The following TMEM232 variants were observed in gnomAD, a reference collection of about 807,000 sequenced individuals.
The protein encoded by TMEM232 is transmembrane protein 232.
Under a neutral mutation model 78.8 loss-of-function variants are expected in TMEM232, and 80 were observed. That is an observed-to-expected ratio of 1.01 (90% CI 0.85 to 1.22). The LOEUF (loss-of-function observed/expected upper bound fraction) is 1.22. Among genes scored for constraint, TMEM232 ranks in the 50% most tolerant of loss-of-function variants. TMEM232 has a pLI of 0.00. For synonymous variants in TMEM232, 297 were observed against 254.3 expected (o/e 1.17, Z -1.60); for missense variants, 881 against 742.2 (o/e 1.19, Z -2.17).
chr5:110,643,707 T>A (rs1243763778), intron 2 of TMEM232, among the ~76,000 whole-genome samples: 1 of 152,014 alleles, frequency 6.6e-6, no homozygotes, highest in Non-Finnish European at 1.5e-5. Context: ...CTGAATTTGT[T>A]GCTCTGTGAG....
chr5:110,456,727 A>T lies in TMEM232; in HGVS notation c.1704-31811T>A, dbSNP rs186232135. On this transcript the variant is annotated intron_variant, in intron 12 of 13. Transcript: ENST00000455884. ...TTGAGAAACATACCTGCACATACAC[A>T]GTCAACTGCATTTTGACAAGGTTCA... Among the ~76,000 whole-genome samples the T allele has an allele frequency of 5.9e-5, 9 of 152,290 alleles. No homozygotes were observed. The East Asian group carries it at 1.7e-3, about 29-fold the overall frequency.
intron 2 of TMEM232, among the ~76,000 whole-genome samples, chr5:110,401,988 T>C (rs1755618619): frequency 6.6e-6 from 1 of 152,070 alleles, no homozygotes; most frequent in South Asian, 2.1e-4. Flanking sequence ...TACCTGTCAT[T>C]GCACTGGCAC....
At chr5:110,456,204 G>A (rs2149345274) in intron 12 of TMEM232, among the ~76,000 whole-genome samples, 1 of 152,256 alleles carries the variant, frequency 6.6e-6, no homozygotes, top group Admixed American at 6.5e-5. Flanking sequence ...TAGAACTAGT[G>A]AGTTTAGCAA....
chr5:110,630,467 C>T (rs1425997247), intron 5 of TMEM232, among the ~76,000 whole-genome samples: 2 of 152,142 alleles, frequency 1.3e-5, no homozygotes, highest in Non-Finnish European at 2.9e-5. Context: ...GGGGGAGGGG[C>T]CCAGTGAGAG....
At chr5:110,461,747 A>T (rs1054261810) in intron 12 of TMEM232, among the ~76,000 whole-genome samples, 3 of 152,184 alleles carry the variant, frequency 2.0e-5, no homozygotes, top group African/African-American at 7.2e-5. Flanking sequence ...CCATTCCAAA[A>T]GTTCTAGGGC....
chr5:110,404,975 T>C (rs557578394), intron 2 of TMEM232, among the ~76,000 whole-genome samples: 3 of 152,216 alleles, frequency 2.0e-5, no homozygotes, highest in Admixed American at 1.3e-4. Flanking sequence ...TTTCAGCCAA[T>C]AAGTTTCTCT....
intron 12 of TMEM232, among the ~76,000 whole-genome samples, chr5:110,478,719 T>C (rs1763528964): frequency 6.6e-6 from 1 of 151,822 alleles, no homozygotes; most frequent in Admixed American, 6.6e-5. Flanking sequence ...AAGATGTTAA[T>C]ATCATAAGGC....
intron 11 of TMEM232, among the ~76,000 whole-genome samples, chr5:110,560,425 T>A (rs1007421352): frequency 1.6e-4 from 24 of 152,150 alleles, no homozygotes; most frequent in African/African-American, 5.5e-4. Flanking sequence ...ATATCCTACA[T>A]GTCTATCAAC....
chr5:110,390,060 G>A (rs533158527), intron 4 of TMEM232, among the ~76,000 whole-genome samples: 1 of 152,124 alleles, frequency 6.6e-6, no homozygotes, highest in African/African-American at 2.4e-5. Flanking sequence ...CTGACTTTGG[G>A]GTATACCAGG....
chr5:110,628,662 A>AGTGTGTGTGTGTGT (rs146531604), intron 5 of TMEM232, among the ~76,000 whole-genome samples: 3 of 140,818 alleles, frequency 2.1e-5, no homozygotes, highest in East Asian at 2.0e-4. Context: ...GTCAGTATCC[A>AGTGTGTGTGTGTGT]GTGTGTGTGT....
At chr5:110,692,647 G>A (rs1183466030) in intron 1 of TMEM232, among the ~76,000 whole-genome samples, 1 of 152,224 alleles carries the variant, frequency 6.6e-6, no homozygotes, top group African/African-American at 2.4e-5. Flanking sequence ...CACACCAGGA[G>A]ATTATATCTC....
At chr5:110,620,649 C>G (rs1471522439) in intron 7 of TMEM232, among the ~76,000 whole-genome samples, 1 of 134,252 alleles carries the variant, frequency 7.4e-6, no homozygotes, top group Non-Finnish European at 1.6e-5. Flanking sequence ...CCTCTCTCCT[C>G]TCTCTCTCTC....
At chr5:110,500,306 A>AAG in intron 12 of TMEM232, among the ~76,000 whole-genome samples, 1 of 145,086 alleles carries the variant, frequency 6.9e-6, no homozygotes. Context: ...AAAAAAAAAA[A>AAG]AGAAAGAAAG....
chr5:110,603,270 C>T (rs1424169281), intron 10 of TMEM232, among the ~76,000 whole-genome samples: 1 of 152,110 alleles, frequency 6.6e-6, no homozygotes, highest in African/African-American at 2.4e-5. Flanking sequence ...GCAAGTTCTA[C>T]ACATGTATCC....
At chr5:110,531,880 A>G (rs1581107622) in intron 11 of TMEM232, among the ~76,000 whole-genome samples, 1 of 152,106 alleles carries the variant, frequency 6.6e-6, no homozygotes, top group African/African-American at 2.4e-5. Flanking sequence ...TTATTACCCA[A>G]TCTGCTCCCA....
intron 1 of TMEM232, among the ~76,000 whole-genome samples, chr5:110,724,329 A>C (rs1169960086): frequency 6.6e-6 from 1 of 152,178 alleles, no homozygotes; most frequent in Non-Finnish European, 1.5e-5. Flanking sequence ...AGCTGCCTCC[A>C]ATCTTGACCT....
At position 110,669,856 on chromosome 5, in the gene TMEM232, T is replaced by A. The variant is rs1465663118; in HGVS notation, c.-12-2492A>T. ...GCAAATCAATAAACATAATCCAGCATATAAACAGAACCAAAGACAAAAACC... is the reference window on the plus strand; with the variant it reads ...GCAAATCAATAAACATAATCCAGCAAATAAACAGAACCAAAGACAAAAACC... On this transcript the variant is annotated intron_variant, in intron 1 of 13. Transcript: ENST00000455884. Among the ~76,000 whole-genome samples the A allele has an allele frequency of 5.9e-5, 9 of 152,236 alleles. No homozygotes were observed. In the East Asian group the frequency reaches 1.7e-3, roughly 29 times the overall value.
chr5:110,605,078 T>G (rs1185162916), intron 10 of TMEM232, 31 bp downstream of exon 10: 1 of 1,494,024 alleles, frequency 6.7e-7, no homozygotes, highest in African/African-American at 1.4e-5. Context: ...TTAAAAATAT[T>G]ACTCATCAAA....
intron 8 of TMEM232, chr5:110,610,544 G>A: frequency 2.2e-6 from 1 of 456,278 alleles, no homozygotes; most frequent in Non-Finnish European, 4.4e-6. Context: ...TTTGTGCAGA[G>A]CTTCTCAAAG....
Sources: gnomAD v4.1 joint callset for allele counts (sites outside exome capture counted in the v4.1 genomes callset) on GRCh38, gnomAD v4.1.1 for gene constraint, MANE v1.5 for transcripts, NCBI Gene and HGNC (gene_info 2026-07-23, HGNC 2026-07-21) for gene names.